Variants in RTKN2 observed in about 807,000 individuals in gnomAD.
RTKN2 encodes rhotekin-2.
Under a neutral mutation model 71.5 loss-of-function variants are expected in RTKN2, and 69 were observed. The observed-to-expected ratio is 0.96, with a 90% CI of 0.79 to 1.18. The LOEUF is 1.18. RTKN2 is among the 50% of genes most tolerant of loss of function. The pLI, the probability that RTKN2 is intolerant of heterozygous loss-of-function variation, is 0.00. For synonymous variants in RTKN2, 236 were observed against 236.5 expected (o/e 1.00, Z 0.02); for missense variants, 724 against 719.7 (o/e 1.01, Z -0.07).
chr10:62,189,559 C>T (rs560484628), downstream of RTKN2, among the ~76,000 whole-genome samples: 3 of 152,308 alleles, frequency 2.0e-5, no homozygotes, highest in East Asian at 5.8e-4. Context: ...GGTGCAGTGG[C>T]AAACGTCTGT....
chr10:62,231,689 T>C (rs564487214), intron 6 of RTKN2, among the ~76,000 whole-genome samples: 4 of 152,164 alleles, frequency 2.6e-5, no homozygotes, highest in Non-Finnish European at 5.9e-5. Context: ...GGGAATGTTA[T>C]TAAAAAAAAA....
At chr10:62,211,831 AT>A (rs1387934539) in intron 9 of RTKN2, among the ~76,000 whole-genome samples, 2 of 151,830 alleles carry the variant, frequency 1.3e-5, no homozygotes, top group African/African-American at 4.8e-5. Context: ...TGCCTGGCTA[AT>A]TTTTTGTGTT....
In RTKN2 at chr10:62,195,854, A is replaced by G. The variant is rs1841320373; in HGVS notation, c.*2054T>C. On this transcript the variant is annotated 3_prime_UTR_variant, in exon 12 of 12. Coordinates refer to ENST00000373789, the MANE Select transcript of RTKN2 (RefSeq NM_145307.4). The stretch of plus-strand genomic sequence containing the variant: ...CTTGCTCAGGCTTTTAAATGGTTCT[A>G]GGTAAAAAGGGCTTCAGTCCTGTTT... 3 of 985,246 alleles carry G rather than the reference A, an allele frequency of 3.0e-6. No individual in the cohort carries two copies. Among genetic ancestry groups the G allele is most frequent in the Non-Finnish European group, 3.6e-6 (3 of 829,944 alleles). The allele number at this position is 985,246 out of a possible 1,614,324, so 61.0% of individuals were successfully genotyped here.
At chr10:62,264,049 G>C (rs1842825655) in intron 1 of RTKN2, among the ~76,000 whole-genome samples, 2 of 152,008 alleles carry the variant, frequency 1.3e-5, no homozygotes, top group East Asian at 3.8e-4. Context: ...AAAACATAAA[G>C]TGACCATCCT....
chr10:62,224,528 A>T (rs1185883491), intron 6 of RTKN2, among the ~76,000 whole-genome samples: 1 of 152,136 alleles, frequency 6.6e-6, no homozygotes, highest in Non-Finnish European at 1.5e-5. Context: ...GTCCAATGCT[A>T]GGTGATGGGC....
intron 3 of RTKN2, among the ~76,000 whole-genome samples, chr10:62,242,241 T>C (rs1842391606): frequency 6.6e-6 from 1 of 152,160 alleles, no homozygotes; most frequent in Non-Finnish European, 1.5e-5. Flanking sequence ...TCTTACTTGC[T>C]AATTTCTTTA....
Position 62,264,892 on chromosome 10 carries a change from A to G in RTKN2, c.61-2071T>C, listed in dbSNP as rs1210821267. On this transcript the variant is annotated intron_variant, in intron 1 of 11. Transcript: ENST00000373789. ...ATTCAATGGTCAGCTAGGGTAGAGA[A>G]GCACAGCTGGACTATTTGAAATTCC... Among the ~76,000 whole-genome samples the G allele has an allele frequency of 2.4e-4, 36 of 151,842 alleles. 1 individual carries two copies. Among genetic ancestry groups the G allele is most frequent in the Non-Finnish European group, 1.5e-5 (1 of 67,974 alleles).
chr10:62,225,468 C>T (rs1315983637), intron 6 of RTKN2, among the ~76,000 whole-genome samples: 4 of 152,226 alleles, frequency 2.6e-5, no homozygotes, highest in Admixed American at 1.3e-4. Context: ...TGTGACTCTT[C>T]TTATTGTAAT....
downstream of RTKN2, among the ~76,000 whole-genome samples, chr10:62,191,064 G>C (rs1267372849): frequency 6.6e-6 from 1 of 152,060 alleles, no homozygotes; most frequent in East Asian, 1.9e-4. Context: ...ATCCCTTCTA[G>C]ATTTGAAAAC....
chr10:62,264,889 A>G (rs7923556), intron 1 of RTKN2, among the ~76,000 whole-genome samples: 78,856 of 151,102 alleles, frequency 0.52, 22,205 homozygotes, highest in East Asian at 0.89. Context: ...GCTAGGGTAG[A>G]GAAGCACAGC....
chr10:62,244,114 T>C (rs1399690189), intron 3 of RTKN2, among the ~76,000 whole-genome samples: 2 of 152,234 alleles, frequency 1.3e-5, no homozygotes, highest in Non-Finnish European at 2.9e-5. Flanking sequence ...CAAAACATTA[T>C]GACACTTTGT....
intron 7 of RTKN2, among the ~76,000 whole-genome samples, chr10:62,222,297 A>G (rs1841926698): frequency 6.6e-6 from 1 of 151,708 alleles, no homozygotes; most frequent in Non-Finnish European, 1.5e-5. Flanking sequence ...ATTTTTGTAG[A>G]GATAGGGTCT....
chr10:62,228,096 T>C (rs1842068381), intron 6 of RTKN2, among the ~76,000 whole-genome samples: 1 of 152,190 alleles, frequency 6.6e-6, no homozygotes, highest in South Asian at 2.1e-4. Context: ...ACTGGATATA[T>C]GAGTCTGGAG....
chr10:62,193,766 A>T lies in RTKN2; in HGVS notation c.*4142T>A. On this transcript the variant is annotated 3_prime_UTR_variant, in exon 12 of 12. Coordinates refer to ENST00000373789, the MANE Select transcript of RTKN2 (RefSeq NM_145307.4). ...CTCTGGGGAAATTCTGGATCACTAA[A>T]CTAAAAGTAAGGTTATGTCAATGGA... 1 of 985,154 alleles carries T rather than the reference A, an allele frequency of 1.0e-6. No individual in the cohort carries two copies. Among genetic ancestry groups the T allele is most frequent in the Non-Finnish European group, 1.2e-6 (1 of 829,704 alleles). 61.0% of individuals were successfully genotyped at this position (985,154 alleles called of 1,614,324 possible). A position where few individuals can be genotyped will look rare whatever the true frequency, so the allele number is the denominator to read the frequency against.
intron 1 of RTKN2, 30 bp downstream of exon 1, chr10:62,268,521 T>G (rs1192845488): frequency 6.5e-7 from 1 of 1,549,064 alleles, no homozygotes; most frequent in Non-Finnish European, 8.7e-7. Context: ...CTCCCTCACC[T>G]TCCGCGGCAG....
Position 62,195,175 on chromosome 10 carries a change from G to T in RTKN2, c.*2733C>A. On this transcript the variant is annotated 3_prime_UTR_variant, in exon 12 of 12. Transcript: ENST00000373789. Reference sequence around the variant, plus strand: ...GTAATTGTCTAAGACATTATCTTTAGATCATCAGAATTATCATATCATAAA... The same window carrying T: ...GTAATTGTCTAAGACATTATCTTTATATCATCAGAATTATCATATCATAAA... The T allele has an allele frequency of 2.0e-6, 2 of 975,974 alleles. No homozygotes were observed. Among genetic ancestry groups the T allele is most frequent in the Non-Finnish European group, 2.4e-6 (2 of 821,462 alleles). The allele number at this position is 975,974 out of a possible 1,614,324, so 60.5% of individuals were successfully genotyped here.
chr10:62,203,068 G>A (rs976497171), intron 10 of RTKN2, among the ~76,000 whole-genome samples: 1 of 152,150 alleles, frequency 6.6e-6, no homozygotes, highest in Non-Finnish European at 1.5e-5. Flanking sequence ...ACTGAGGCAG[G>A]AGAATCACTT....
downstream of RTKN2, among the ~76,000 whole-genome samples, chr10:62,192,740 C>G (rs1841242699): frequency 6.6e-6 from 1 of 152,168 alleles, no homozygotes; most frequent in East Asian, 1.9e-4. Context: ...AGAGTGACCC[C>G]TAGCCAACAG....
At chr10:62,255,722 G>A (rs570714343) in intron 2 of RTKN2, among the ~76,000 whole-genome samples, 2 of 152,044 alleles carry the variant, frequency 1.3e-5, no homozygotes, top group Non-Finnish European at 1.5e-5. Context: ...AACTGCAAAG[G>A]GAAAACCATT....
Sources: allele counts gnomAD v4.1 joint callset (sites outside exome capture counted in the v4.1 genomes callset), GRCh38; gene constraint gnomAD v4.1.1; transcripts MANE v1.5; gene names NCBI Gene and HGNC (gene_info 2026-07-23, HGNC 2026-07-21).